Variants in NEFH observed in about 807,000 individuals in gnomAD.
NEFH encodes the protein neurofilament heavy polypeptide.
Under a neutral mutation model 56.6 loss-of-function variants are expected in NEFH, and 58 were observed. The ratio of observed to expected loss-of-function variants is 1.03; its 90% confidence interval spans 0.83 to 1.28. The LOEUF (loss-of-function observed/expected upper bound fraction) is 1.28, where lower values mean the gene tolerates loss of function less well. Ranked by LOEUF, NEFH falls within the 50% of genes most tolerant of loss-of-function variation. The pLI is 0.00. For synonymous variants in NEFH, 542 were observed against 545.8 expected (o/e 0.99, Z 0.10); for missense variants, 1,221 against 1,307.6 (o/e 0.93, Z 1.02).
In NEFH at chr22:29,480,320, G is replaced by A; in HGVS notation, c.58G>A (p.Gly20Ser). Residue 20 changes from glycine (G) to serine (S), a missense_variant, in exon 1 of 4, where the codon GGC (glycine) becomes AGC (serine). By Grantham distance (56) the Gly-to-Ser change is moderately conservative. Coordinates refer to ENST00000310624, the MANE Select transcript of NEFH (RefSeq NM_021076.4). ...LLGAPFAPLH[G>S]GGSLHYALAR... Reference sequence around the variant, plus strand: ...GGGCGCCCCGTTCGCGCCGCTGCATGGCGGCGGCAGCCTCCACTACGCGCT... The same window carrying A: ...GGGCGCCCCGTTCGCGCCGCTGCATAGCGGCGGCAGCCTCCACTACGCGCT... 6.6e-7 allele frequency: 1 copy of A among 1,506,952 alleles called. No homozygotes were observed. The highest frequency in any genetic ancestry group is 8.8e-7 in the Non-Finnish European group (1 of 1,137,972). 93.3% of individuals were successfully genotyped at this position (1,506,952 alleles called of 1,614,324 possible).
In NEFH at chr22:29,480,977, G is replaced by T; in HGVS notation, c.715G>T (p.Gly239Cys). ...YLRRHHQEEV[G>C]ELLGQIQGSG... The stretch of plus-strand genomic sequence containing the variant: ...GCGGCGCCACCACCAGGAAGAGGTG[G>T]GCGAGCTGCTCGGCCAGATCCAGGG... The change falls in exon 1 of 4, where the codon GGC (glycine) becomes TGC (cysteine). Residue 239 changes from glycine (G) to cysteine (C), a missense_variant. Physicochemically the swap from Gly to Cys is radical, Grantham distance 159. Coordinates refer to ENST00000310624, the MANE Select transcript of NEFH (RefSeq NM_021076.4). 6.5e-7 allele frequency: 1 copy of T among 1,531,894 alleles called. No individual in the cohort carries two copies. Among genetic ancestry groups the T allele is most frequent in the South Asian group, 1.2e-5 (1 of 83,842 alleles). 94.9% of individuals were successfully genotyped at this position (1,531,894 alleles called of 1,614,324 possible).
In NEFH at chr22:29,489,069, G is replaced by C; in HGVS notation, c.1429G>C (p.Glu477Gln). The change falls in exon 4 of 4, where the codon GAG becomes CAG. Residue 477 changes from glutamate (E) to glutamine (Q), a missense_variant. By Grantham distance (29) the Glu-to-Gln change is conservative (BLOSUM62 2). Coordinates refer to ENST00000310624, the MANE Select transcript of NEFH (RefSeq NM_021076.4). Reference protein sequence around the residue: ...TEEVTEEEEKEAKEEEGKEEE... With the variant: ...TEEVTEEEEKQAKEEEGKEEE... ...AGAAGTGACTGAAGAAGAGGAGAAA[G>C]AGGCCAAAGAGGAGGAGGGCAAGGA... The C allele has an allele frequency of 6.2e-7, 1 of 1,613,840 alleles. No homozygotes were observed. Among genetic ancestry groups the C allele is most frequent in the Non-Finnish European group, 8.5e-7 (1 of 1,179,828 alleles).
At chr22:29,484,028 T>A (rs1295497261) in intron 2 of NEFH, among the ~76,000 whole-genome samples, 1 of 151,954 alleles carries the variant, frequency 6.6e-6, no homozygotes, top group Non-Finnish European at 1.5e-5. Flanking sequence ...TTTTGTATTT[T>A]TAGTATTGAC....
Position 29,480,644 on chromosome 22 carries a change from G to A in NEFH, c.382G>A (p.Glu128Lys), listed in dbSNP as rs892431261. The change falls in exon 1 of 4, where the codon GAG becomes AAG. Residue 128 changes from glutamate to lysine, a missense_variant. Around this residue, in one of 4 missense-constraint regions of NEFH, gnomAD observed 640 missense variants for 555.5 expected, o/e 1.15. Transcript: ENST00000310624. The part of the protein sequence containing the change: ...LEAHNRSLEG[E>K]AAALRQQQAG... Reference sequence around the variant, plus strand: ...GGCGCACAACCGCAGCCTGGAGGGCGAGGCTGCGGCGCTGCGGCAGCAGCA... The same window carrying A: ...GGCGCACAACCGCAGCCTGGAGGGCAAGGCTGCGGCGCTGCGGCAGCAGCA... 8 of 1,560,540 alleles carry A rather than the reference G, an allele frequency of 5.1e-6. No individual in the cohort carries two copies. In the African/African-American group the frequency reaches 5.4e-5, roughly 11 times the overall value.
chr22:29,486,454 G>A (rs188013725), intron 3 of NEFH, among the ~76,000 whole-genome samples: 43 of 150,768 alleles, frequency 2.9e-4, no homozygotes, highest in Admixed American at 2.6e-3. Context: ...CCAAGAAACC[G>A]TCATTATCAT....
At chr22:29,484,745 G>A (rs556829421) in intron 2 of NEFH, among the ~76,000 whole-genome samples, 3 of 152,232 alleles carry the variant, frequency 2.0e-5, no homozygotes, top group Admixed American at 2.0e-4. Flanking sequence ...AGTCATCAAT[G>A]CCTACCAAAC....
chr22:29,484,784 A>G (rs165633), intron 2 of NEFH, among the ~76,000 whole-genome samples: 28,129 of 151,832 alleles, frequency 0.19, 3,442 homozygotes, highest in South Asian at 0.25. Flanking sequence ...ACTGTGGCAC[A>G]CTGGAGAAAG....
rs1346887118 is a variant in NEFH, at chr22:29,490,552, CAG to C, written c.2915_2916del (p.Glu972GlyfsTer7). 4 of 1,612,584 alleles carry C rather than the reference CAG, an allele frequency of 2.5e-6. No homozygotes were observed. The highest frequency in any genetic ancestry group is 2.7e-5 in the African/African-American group (2 of 74,700). ...AAGAAGCCTGAGGAGAAACCCAAGACAGAGGCCAAAGCCAAGGAAGATGACAA... is the reference window on the plus strand; with the variant it reads ...AAGAAGCCTGAGGAGAAACCCAAGACAGGCCAAAGCCAAGGAAGATGACAA... On this transcript the variant is annotated frameshift_variant, in exon 4 of 4. Transcript: ENST00000310624. LOFTEE classifies it high-confidence loss of function.
chr22:29,481,010 G>A lies in NEFH; in HGVS notation c.748G>A (p.Ala250Thr). The change falls in exon 1 of 4, where the codon GCC (alanine) becomes ACC (threonine). Residue 250 changes from alanine to threonine, a missense_variant. Physicochemically the swap from Ala to Thr is moderately conservative, Grantham distance 58. Transcript: ENST00000310624. Reference sequence around the variant, plus strand: ...GCTCGGCCAGATCCAGGGCTCCGGCGCCGCGCAGGCGCAGATGCAGGCCGA... The same window carrying A: ...GCTCGGCCAGATCCAGGGCTCCGGCACCGCGCAGGCGCAGATGCAGGCCGA... The part of the protein sequence containing the change: ...ELLGQIQGSG[A>T]AQAQMQAETR... 1.3e-6 allele frequency: 2 copies of A among 1,531,608 alleles called. No individual in the cohort carries two copies. Among genetic ancestry groups the A allele is most frequent in the Non-Finnish European group, 1.7e-6 (2 of 1,145,408 alleles). The allele number at this position is 1,531,608 out of a possible 1,614,324, so 94.9% of individuals were successfully genotyped here.
Position 29,483,436 on chromosome 22 carries a change from G to A in NEFH, c.945G>A (p.Gln315=). 6.2e-7 allele frequency: 1 copy of A among 1,613,996 alleles called. No individual in the cohort carries two copies. Among genetic ancestry groups the A allele is most frequent in the East Asian group, 2.2e-5 (1 of 44,888 alleles). ...ACACAGACGCTATGCGCTCAGCGCA[G>A]GAGGAGATAACTGAGTACCGGCGTC... is the stretch of plus-strand genomic sequence containing the variant. ...KVNTDAMRSA[Q]EEITEYRRQL... Residue 315 remains glutamine (Q), a synonymous_variant, in exon 2 of 4, where the codon CAG becomes CAA. Transcript: ENST00000310624.
chr22:29,485,990 C>A, intron 3 of NEFH, 143 bp downstream of exon 3: 1 of 810,840 alleles, frequency 1.2e-6, no homozygotes, highest in Non-Finnish European at 2.1e-6. Flanking sequence ...ATAGACAAAA[C>A]ATACAATTTA....
chr22:29,488,443 T>C (rs2063056453), intron 3 of NEFH, among the ~76,000 whole-genome samples: 1 of 152,110 alleles, frequency 6.6e-6, no homozygotes, highest in Non-Finnish European at 1.5e-5. Flanking sequence ...TCTTGAATAA[T>C]ATTTTAGTTT....
chr22:29,485,154 G>C (rs1245277006), intron 2 of NEFH, among the ~76,000 whole-genome samples: 1 of 152,148 alleles, frequency 6.6e-6, no homozygotes, highest in Non-Finnish European at 1.5e-5. Flanking sequence ...CCAGGCTGGA[G>C]TACAGTGGTA....
chr22:29,482,266 C>T (rs2063016014), intron 1 of NEFH, among the ~76,000 whole-genome samples: 2 of 152,200 alleles, frequency 1.3e-5, no homozygotes, highest in South Asian at 2.1e-4. Flanking sequence ...TTTGGGTTTG[C>T]CAGTCGTAGG....
Position 29,489,050 on chromosome 22 carries a change from G to A in NEFH, c.1410G>A (p.Val470=), listed in dbSNP as rs1258368773. Residue 470 remains valine (V), a synonymous_variant, in exon 4 of 4, where the codon GTG becomes GTA. Coordinates refer to ENST00000310624, the MANE Select transcript of NEFH (RefSeq NM_021076.4). ...QTEETQVTEE[V]TEEEEKEAKE... is the part of the protein sequence containing the mutation. ...AGGAGACCCAAGTGACTGAAGAAGT[G>A]ACTGAAGAAGAGGAGAAAGAGGCCA... 13 of 1,614,082 alleles carry A rather than the reference G, an allele frequency of 8.1e-6. No individual in the cohort carries two copies. Among genetic ancestry groups the A allele is most frequent in the Non-Finnish European group, 1.1e-5 (13 of 1,179,956 alleles).
Position 29,480,424 on chromosome 22 carries a change from C to T in NEFH, c.162C>T (p.Ser54=), listed in dbSNP as rs1286002501. 6.5e-7 allele frequency: 1 copy of T among 1,532,180 alleles called. No homozygotes were observed. The highest frequency in any genetic ancestry group is 8.7e-7 in the Non-Finnish European group (1 of 1,145,910). The allele number at this position is 1,532,180 out of a possible 1,614,324, so 94.9% of individuals were successfully genotyped here. Residue 54 remains serine, a synonymous_variant, in exon 1 of 4, where the codon TCC becomes TCT. Transcript: ENST00000310624. The part of the protein sequence containing the change: ...SSGFHSWTRT[S]VSSVSASPSR... Reference sequence around the variant, plus strand: ...GCTTCCACTCGTGGACACGGACGTCCGTGAGCTCCGTGTCCGCCTCGCCCA... The same window carrying T: ...GCTTCCACTCGTGGACACGGACGTCTGTGAGCTCCGTGTCCGCCTCGCCCA...
chr22:29,484,340 C>A (rs1304771852), intron 2 of NEFH, among the ~76,000 whole-genome samples: 1 of 152,104 alleles, frequency 6.6e-6, no homozygotes, highest in Non-Finnish European at 1.5e-5. Flanking sequence ...CAGATTCCTT[C>A]TTTTAAAGAT....
chr22:29,483,679 C>A, intron 2 of NEFH, 105 bp downstream of exon 2: 2 of 1,123,770 alleles, frequency 1.8e-6, no homozygotes, highest in Non-Finnish European at 2.6e-6. Context: ...AAGATTGTGG[C>A]CCTTGGAGTC....
rs371767836 is a variant in NEFH, at chr22:29,489,356, A to C, written c.1716A>C (p.Ala572=). 1.2e-6 allele frequency: 2 copies of C among 1,611,856 alleles called. No individual in the cohort carries two copies. The highest frequency in any genetic ancestry group is 1.7e-6 in the Non-Finnish European group (2 of 1,178,902). ...PEAKSPEKEE[A]KSPAEVKSPE... is the part of the protein sequence containing the mutation. ...CCAAGTCCCCAGAGAAGGAGGAAGC[A>C]AAATCTCCAGCTGAGGTCAAGTCCC... The change falls in exon 4 of 4, where the codon GCA becomes GCC. Residue 572 remains alanine (A), a synonymous_variant. Coordinates refer to ENST00000310624, the MANE Select transcript of NEFH (RefSeq NM_021076.4).
Sources: allele counts gnomAD v4.1 joint callset (sites outside exome capture counted in the v4.1 genomes callset), GRCh38; gene constraint gnomAD v4.1.1; regional missense constraint gnomAD v4.1.1; transcripts MANE v1.5; gene names NCBI Gene and HGNC (gene_info 2026-07-23, HGNC 2026-07-21).